Variants in DNAH1 observed in about 807,000 individuals in gnomAD.
DNAH1 encodes the protein dynein axonemal heavy chain 1.
In DNAH1, 327 loss-of-function variants were observed where a neutral mutation model predicts 484.3. The ratio of observed to expected loss-of-function variants is 0.68; its 90% CI spans 0.62 to 0.74. The LOEUF (loss-of-function observed/expected upper bound fraction) is 0.74. Among genes scored for constraint, DNAH1 ranks in the 30% least tolerant of loss-of-function variants. The pLI is 0.00. For missense variants in DNAH1, 5,052 were observed against 5,546.8 expected, an observed-to-expected ratio of 0.91 and a Z score of 2.83; for synonymous variants, 2,192 against 2,191.9, an observed-to-expected ratio of 1.00 and a Z score of 0.00.
At position 52,368,196 on chromosome 3, in the gene DNAH1, A is replaced by C. The variant is rs939445339; in HGVS notation, c.5766-545A>C. Among the ~76,000 whole-genome samples the C allele has an allele frequency of 1.3e-5, 2 of 152,214 alleles. No homozygotes were observed. The highest frequency in any genetic ancestry group is 4.8e-5 in the African/African-American group (2 of 41,448). ...TGATCAGTTATCAAGGGTTCTGGCT[A>C]AACTGACTTAGCAGGGTTCTTTACT... On this transcript the variant is annotated intron_variant, in intron 36 of 77. Coordinates refer to ENST00000420323, the MANE Select transcript of DNAH1 (RefSeq NM_015512.5). This position sits in a 1 kb window ranked among gnomAD's most constrained non-coding sequence, Gnocchi z 4.4.
intron 55 of DNAH1, 66 bp from the exon 56 acceptor site, chr3:52,386,596 G>T: frequency 2.0e-6 from 3 of 1,463,742 alleles, no homozygotes; most frequent in Non-Finnish European, 2.7e-6. Flanking sequence ...AACCTTTCTG[G>T]CAGGGTCCCT....
Position 52,359,405 on chromosome 3 carries a change from CCT to C in DNAH1, c.4407+20_4407+21del, listed in dbSNP as rs776385087. 15 of 1,563,970 alleles carry C rather than the reference CCT, an allele frequency of 9.6e-6. 1 individual carries two copies. The highest frequency in any genetic ancestry group is 8.2e-5 in the South Asian group (7 of 84,994). ...CCAGCAGGTTGGAGTCAAGAGGACC[CCT>C]GTCTGTCCCCCTCCACCCCCTACAT... On this transcript the variant is annotated intron_variant, in intron 26 of 77. Transcript: ENST00000420323.
In DNAH1 at chr3:52,366,498, G is replaced by A. The variant is rs774650275; in HGVS notation, c.5560G>A (p.Val1854Ile). Residue 1854 changes from valine to isoleucine, a missense_variant, in exon 35 of 78, where the codon GTA (valine) becomes ATA (isoleucine). Transcript: ENST00000420323. ...KCIQLYETTV[V>I]RHGLMLVGPT... ...CATCCAGCTCTACGAGACCACGGTG[G>A]TACGACACGGCCTCATGCTCGTCGG... 27 of 1,603,240 alleles carry A rather than the reference G, an allele frequency of 1.7e-5. No individual in the cohort carries two copies. The South Asian group carries it at 2.6e-4, about 15-fold the overall frequency.
upstream of DNAH1, among the ~76,000 whole-genome samples, chr3:52,312,854 G>A (rs1356004417): frequency 1.3e-5 from 2 of 152,016 alleles, no homozygotes; most frequent in Non-Finnish European, 2.9e-5. Context: ...GGGTTTTACT[G>A]TGTTAGCCAG....
chr3:52,395,102 C>T lies in DNAH1; in HGVS notation c.10968+43C>T, dbSNP rs746731430. On this transcript the variant is annotated intron_variant, in intron 68 of 77. Coordinates refer to ENST00000420323, the MANE Select transcript of DNAH1 (RefSeq NM_015512.5). The surrounding 1 kb of genome is among the most constrained non-coding windows in gnomAD (Gnocchi z 4.4). ...GGCAGGACTGGCACCTTGAGCTTGT[C>T]CCCACCCTGGGTCCCAGGGCCCTGG... 5.1e-6 allele frequency: 8 copies of T among 1,580,920 alleles called. No individual in the cohort carries two copies. Among genetic ancestry groups the T allele is most frequent in the Non-Finnish European group, 6.9e-6 (8 of 1,162,512 alleles).
intron 3 of DNAH1, 147 bp from the exon 4 acceptor site, chr3:52,325,993 C>A: frequency 1.3e-6 from 1 of 765,808 alleles, no homozygotes; most frequent in Non-Finnish European, 1.9e-6. Flanking sequence ...CCTGTGTTCT[C>A]CCAGCCACTG....
chr3:52,351,857 T>C (rs1360345520), intron 16 of DNAH1, 105 bp from the exon 17 acceptor site: 1 of 1,386,112 alleles, frequency 7.2e-7, no homozygotes, highest in Non-Finnish European at 9.9e-7. Flanking sequence ...CTGAACCCCT[T>C]CTCACTGGCT....
At position 52,361,194 on chromosome 3, in the gene DNAH1, C is replaced by T. The variant is rs1240318971; in HGVS notation, c.4716C>T (p.His1572=). The T allele has an allele frequency of 6.2e-7, 1 of 1,611,982 alleles. No homozygotes were observed. The highest frequency in any genetic ancestry group is 1.7e-5 in the Admixed American group (1 of 59,898). ...RCYLTLTGAL[H]LKFGGAPAGP... Reference sequence around the variant, plus strand: ...ACCTGACACTGACCGGAGCTCTGCACCTCAAGTTTGGGGGTGCCCCAGCTG... The same window carrying T: ...ACCTGACACTGACCGGAGCTCTGCATCTCAAGTTTGGGGGTGCCCCAGCTG... The change falls in exon 29 of 78, where the codon CAC becomes CAT. Residue 1572 remains histidine (H), a synonymous_variant. Transcript: ENST00000420323. This position sits in a 1 kb window ranked among gnomAD's most constrained non-coding sequence, Gnocchi z 5.6.
At chr3:52,386,999 C>T in intron 56 of DNAH1, 146 bp downstream of exon 56, 1 of 877,002 alleles carries the variant, frequency 1.1e-6, no homozygotes, top group Non-Finnish European at 1.7e-6. Context: ...ACCTCCACAC[C>T]ACCAGCACCA....
chr3:52,359,652 G>T (rs188308657), intron 26 of DNAH1, among the ~76,000 whole-genome samples: 1 of 152,328 alleles, frequency 6.6e-6, no homozygotes, highest in Non-Finnish European at 1.5e-5. Context: ...CCCTTGCCCT[G>T]TGCTCCAGTG....
chr3:52,347,358 G>C (rs887765784), intron 11 of DNAH1, among the ~76,000 whole-genome samples: 1 of 152,176 alleles, frequency 6.6e-6, no homozygotes, highest in Non-Finnish European at 1.5e-5. Context: ...GCTCAGGATG[G>C]AGTGGGAGAG....
At position 52,353,898 on chromosome 3, in the gene DNAH1, A is replaced by C; in HGVS notation, c.3480+265A>C. On this transcript the variant is annotated intron_variant, in intron 20 of 77. Coordinates refer to ENST00000420323, the MANE Select transcript of DNAH1 (RefSeq NM_015512.5). This position sits in a 1 kb window ranked among gnomAD's most constrained non-coding sequence, Gnocchi z 5.0. ...AGCTAATAGCATTAGCCTCAATTTA[A>C]CAGATGTGTCAGGCCGGGTGCAGTG... 1 of 475,364 alleles carries C rather than the reference A, an allele frequency of 2.1e-6. No individual in the cohort carries two copies. Among genetic ancestry groups the C allele is most frequent in the African/African-American group, 2.0e-5 (1 of 50,918 alleles). The allele number at this position is 475,364 out of a possible 1,614,324, so 29.4% of individuals were successfully genotyped here.
In DNAH1 at chr3:52,368,759, C is replaced by T. The variant is rs747705044; in HGVS notation, c.5784C>T (p.Ser1928=). 8 of 1,613,796 alleles carry T rather than the reference C, an allele frequency of 5.0e-6. No homozygotes were observed. The Admixed American group carries it at 1.3e-4, about 27-fold the overall frequency. ...GCTGCAGGACAGACGGGATATTCTCCTCGTTCATCCGGGCGGGGGCCATCA... is the reference window on the plus strand; with the variant it reads ...GCTGCAGGACAGACGGGATATTCTCTTCGTTCATCCGGGCGGGGGCCATCA... The part of the protein sequence containing the change: ...LTHEWTDGIF[S]SFIRAGAITS... Residue 1928 remains serine, a synonymous_variant, in exon 37 of 78, where the codon TCC becomes TCT. Coordinates refer to ENST00000420323, the MANE Select transcript of DNAH1 (RefSeq NM_015512.5). The surrounding 1 kb of genome is among the most constrained non-coding windows in gnomAD (Gnocchi z 4.4).
chr3:52,393,131 C>A, intron 65 of DNAH1, 106 bp downstream of exon 65: 1 of 1,461,314 alleles, frequency 6.8e-7, no homozygotes, highest in South Asian at 1.2e-5. Context: ...CTGGCGTACA[C>A]TCTCCTCTTA....
chr3:52,354,532 C>A (rs1702527660), intron 20 of DNAH1, among the ~76,000 whole-genome samples: 1 of 151,838 alleles, frequency 6.6e-6, no homozygotes. Context: ...ACTCGGGAGG[C>A]TGAGGCAGGA....
rs781631029 is a variant in DNAH1, at chr3:52,384,840, C to A, written c.8377C>A (p.Leu2793Met). 2.5e-6 allele frequency: 4 copies of A among 1,603,612 alleles called. No homozygotes were observed. The highest frequency in any genetic ancestry group is 2.6e-6 in the Non-Finnish European group (3 of 1,174,938). ...GGTGTCCAAGAAGTGCATCGAGTAC[C>A]TGGCAGAGCTGACCCGCCACAACTA... ...QSVSKKCIEY[L>M]AELTRHNYVT... The change falls in exon 53 of 78, where the codon CTG (leucine) becomes ATG (methionine). Residue 2793 changes from leucine to methionine, a missense_variant. Physicochemically the swap from Leu to Met is conservative, Grantham distance 15 (BLOSUM62 2). Transcript: ENST00000420323.
Position 52,400,425 on chromosome 3 carries a change from C to G in DNAH1, c.12777C>G (p.Leu4259=). Residue 4259 remains leucine (L), a synonymous_variant, in exon 78 of 78, where the codon CTC becomes CTG. Coordinates refer to ENST00000420323, the MANE Select transcript of DNAH1 (RefSeq NM_015512.5). ...QRHWIKRGVA[L]ICALDY is the part of the protein sequence containing the mutation. ...ACTGGATAAAGCGTGGTGTGGCCCT[C>G]ATCTGTGCCCTGGACTACTAGACTC... 4.3e-6 allele frequency: 7 copies of G among 1,614,062 alleles called. No individual in the cohort carries two copies. The highest frequency in any genetic ancestry group is 5.9e-6 in the Non-Finnish European group (7 of 1,179,882).
rs756947398 is a variant in DNAH1, at chr3:52,385,333, C to G, written c.8515-4C>G. ...TGTTTTCCTGTCTCTGCCCTGACCC[C>G]TAGCTGCTGCGCACTTCTGAGGATG... On this transcript the variant is annotated splice_region_variant and splice_polypyrimidine_tract_variant and intron_variant, in intron 53 of 77. Transcript: ENST00000420323. 3 of 1,552,012 alleles carry G rather than the reference C, an allele frequency of 1.9e-6. No individual in the cohort carries two copies. Among genetic ancestry groups the G allele is most frequent in the Non-Finnish European group, 2.6e-6 (3 of 1,147,098 alleles).
Position 52,394,663 on chromosome 3 carries a change from T to A in DNAH1, c.10823+2T>A. 6.4e-7 allele frequency: 1 copy of A among 1,561,280 alleles called. No individual in the cohort carries two copies. Among genetic ancestry groups the A allele is most frequent in the South Asian group, 1.2e-5 (1 of 81,852 alleles). The stretch of plus-strand genomic sequence containing the variant: ...CTTCGACAGCCTTGAGCCCCACCGG[T>A]TAGCTGGGCCCCAGAATATGGCAGG... On this transcript the variant is annotated splice_donor_variant, in intron 67 of 77. Coordinates refer to ENST00000420323, the MANE Select transcript of DNAH1 (RefSeq NM_015512.5). LOFTEE classifies it high-confidence loss of function.
Sources: gnomAD v4.1 joint callset for allele counts (sites outside exome capture counted in the v4.1 genomes callset) on GRCh38, gnomAD v4.1.1 for gene constraint, Gnocchi (gnomAD v3.1) non-coding constraint, MANE v1.5 for transcripts, NCBI Gene and HGNC (gene_info 2026-07-23, HGNC 2026-07-21) for gene names.